Variants in SLC45A4 observed in about 807,000 individuals in gnomAD.
SLC45A4 encodes solute carrier family 45 member 4, also known as polyamine-transporter SLC45A4.
In SLC45A4, 32 loss-of-function variants were observed where a neutral mutation model predicts 63.7. That is an observed-to-expected ratio of 0.50 (90% CI 0.38 to 0.67). SLC45A4 has a LOEUF of 0.67. Ranked by LOEUF, SLC45A4 falls within the 30% of genes least tolerant of loss-of-function variation. SLC45A4 has a pLI of 0.00. For synonymous variants in SLC45A4, 535 were observed against 510.0 expected (o/e 1.05, Z -0.66); for missense variants, 1,027 against 1,157.7 (o/e 0.89, Z 1.64).
chr8:141,294,948 T>C (rs1324469639), intron 1 of SLC45A4, among the ~76,000 whole-genome samples: 1 of 152,166 alleles, frequency 6.6e-6, no homozygotes, highest in African/African-American at 2.4e-5. Flanking sequence ...AGTCAGGAAC[T>C]GGCAGGTAAT....
chr8:141,262,113 G>A (rs1179511046), intron 1 of SLC45A4, among the ~76,000 whole-genome samples: 2 of 151,584 alleles, frequency 1.3e-5, no homozygotes, highest in Non-Finnish European at 2.9e-5. Flanking sequence ...ACAAGAAATT[G>A]GGAAAGGATT....
intron 4 of SLC45A4, 86 bp from the exon 5 acceptor site, chr8:141,219,115 G>A (rs1826415415): frequency 1.4e-5 from 20 of 1,470,960 alleles, no homozygotes; most frequent in Non-Finnish European, 1.8e-5. Flanking sequence ...CCTCTAACAG[G>A]GGGCCGGGGC....
At chr8:141,222,623 A>G (rs574887238) in intron 2 of SLC45A4, among the ~76,000 whole-genome samples, 1 of 152,330 alleles carries the variant, frequency 6.6e-6, no homozygotes, top group East Asian at 1.9e-4. Flanking sequence ...ATCACCAACC[A>G]GGCGGGCAAA....
intron 1 of SLC45A4, among the ~76,000 whole-genome samples, chr8:141,299,469 G>A (rs1830672556): frequency 6.6e-6 from 1 of 152,232 alleles, no homozygotes. Context: ...CACCTGAGCT[G>A]TGGGTGTCGT....
chr8:141,258,602 A>C (rs965223660), intron 1 of SLC45A4, among the ~76,000 whole-genome samples: 2 of 152,200 alleles, frequency 1.3e-5, no homozygotes, highest in Non-Finnish European at 2.9e-5. Flanking sequence ...CGTTTTTCAA[A>C]GACAGCATGG....
intron 1 of SLC45A4, among the ~76,000 whole-genome samples, chr8:141,298,928 A>T (rs1830651549): frequency 6.6e-6 from 1 of 152,198 alleles, no homozygotes; most frequent in African/African-American, 2.4e-5. Flanking sequence ...GCTGATGAGC[A>T]GTGCGACCCA....
At chr8:141,289,435 A>G (rs1830270785) in intron 1 of SLC45A4, among the ~76,000 whole-genome samples, 2 of 152,196 alleles carry the variant, frequency 1.3e-5, no homozygotes, top group South Asian at 4.1e-4. Flanking sequence ...TGTTATCTCA[A>G]CCGTGGCTCA....
At chr8:141,252,102 T>C (rs1377779033) in intron 2 of SLC45A4, among the ~76,000 whole-genome samples, 2 of 151,302 alleles carry the variant, frequency 1.3e-5, no homozygotes, top group Middle Eastern at 3.4e-3. Flanking sequence ...CCATGCAATA[T>C]GTTGAATTCT....
rs1478153911 is a variant in SLC45A4, at chr8:141,218,035, C to T, written c.1605G>A (p.Gln535=). 6.2e-7 allele frequency: 1 copy of T among 1,609,626 alleles called. No individual in the cohort carries two copies. Among genetic ancestry groups the T allele is most frequent in the Non-Finnish European group, 8.5e-7 (1 of 1,178,060 alleles). Residue 535 remains glutamine (Q), a synonymous_variant, in exon 5 of 9, where the codon CAG becomes CAA. Transcript: ENST00000517878. ...CCTTGGGGTCGCCTTCGAAGATGAC[C>T]TGGCCCATGAAGTCGGTGTAGAACA... is the stretch of plus-strand genomic sequence containing the variant. The part of the protein sequence containing the change: ...EAVFYTDFMG[Q]VIFEGDPKAP...
intron 3 of SLC45A4, among the ~76,000 whole-genome samples, chr8:141,221,013 C>T (rs1826589151): frequency 6.6e-6 from 1 of 152,280 alleles, no homozygotes; most frequent in South Asian, 2.1e-4. Context: ...CCTCCTGCCG[C>T]TTAACTCCCT....
chr8:141,245,673 G>A (rs1828153587), intron 2 of SLC45A4, among the ~76,000 whole-genome samples: 1 of 152,126 alleles, frequency 6.6e-6, no homozygotes, highest in Non-Finnish European at 1.5e-5. Flanking sequence ...AGCTAGATGG[G>A]ACTCACAGAC....
At chr8:141,299,187 G>A (rs1008988595) in intron 1 of SLC45A4, among the ~76,000 whole-genome samples, 3 of 152,192 alleles carry the variant, frequency 2.0e-5, no homozygotes, top group African/African-American at 7.2e-5. Context: ...GCTTCTGGAA[G>A]GTCACAAAGC....
chr8:141,285,206 C>G (rs1830092782), intron 1 of SLC45A4, among the ~76,000 whole-genome samples: 1 of 152,228 alleles, frequency 6.6e-6, no homozygotes, highest in South Asian at 2.1e-4. Context: ...GCCCTGCCTG[C>G]AACAGCAGCC....
intron 2 of SLC45A4, chr8:141,224,176 T>A (rs1015699222): frequency 6.6e-6 from 1 of 152,206 alleles, no homozygotes; most frequent in Non-Finnish European, 1.5e-5. Context: ...ATCCACTGTG[T>A]CCTGAACCCC....
At position 141,218,432 on chromosome 8, in the gene SLC45A4, G is replaced by A. The variant is rs140280755; in HGVS notation, c.1208C>T (p.Thr403Met). Residue 403 changes from threonine (T) to methionine (M), a missense_variant, in exon 5 of 9, where the codon ACG becomes ATG. Thr to Met is a moderately conservative substitution (Grantham distance 81, BLOSUM62 -1). Coordinates refer to ENST00000517878, the MANE Select transcript of SLC45A4 (RefSeq NM_001286646.2). Reference protein sequence around the residue: ...DALGGYTRVDTKPSATSSSMR... With the variant: ...DALGGYTRVDMKPSATSSSMR... ...GGAGCTCGACGTGGCCGAGGGCTTC[G>A]TGTCCACCCTGGTGTAGCCGCCGAG... The A allele has an allele frequency of 4.9e-5, 79 of 1,612,054 alleles. 1 individual carries two copies. The African/African-American group carries it at 5.2e-4, about 11-fold the overall frequency.
intron 2 of SLC45A4, among the ~76,000 whole-genome samples, chr8:141,249,069 G>T (rs1174835182): frequency 1.3e-5 from 2 of 151,428 alleles, no homozygotes; most frequent in Non-Finnish European, 2.9e-5. Flanking sequence ...ATGAGATATG[G>T]TTCACACCCA....
At chr8:141,283,986 T>C (rs1224601640) in intron 1 of SLC45A4, among the ~76,000 whole-genome samples, 1 of 152,222 alleles carries the variant, frequency 6.6e-6, no homozygotes, top group Non-Finnish European at 1.5e-5. Flanking sequence ...TGAGGAAGCC[T>C]GAGACGCAAA....
At position 141,278,558 on chromosome 8, in the gene SLC45A4, T is replaced by TG. The variant is rs1035557681; in HGVS notation, c.-400-23930dup. Reference sequence around the variant, plus strand: ...CACTGGTGAGACAGGGGTGAGCACCTGCAGTGGAGGTGGGGCGGGCAGCCG... The same window carrying TG: ...CACTGGTGAGACAGGGGTGAGCACCTGGCAGTGGAGGTGGGGCGGGCAGCCG... On this transcript the variant is annotated intron_variant, in intron 1 of 8. Transcript: ENST00000517878. This position sits in a 1 kb window ranked among gnomAD's most constrained non-coding sequence, Gnocchi z 4.1. Among the ~76,000 whole-genome samples the TG allele has an allele frequency of 3.1e-4, 47 of 151,846 alleles. No homozygotes were observed. Among genetic ancestry groups the TG allele is most frequent in the Non-Finnish European group, 4.7e-4 (32 of 67,998 alleles).
intron 1 of SLC45A4, among the ~76,000 whole-genome samples, chr8:141,274,304 C>A (rs575699798): frequency 6.6e-6 from 1 of 151,968 alleles, no homozygotes; most frequent in African/African-American, 2.4e-5. Context: ...GAGGCTGAGG[C>A]GGGTGGATCA....
Sources: gnomAD v4.1 joint callset for allele counts (sites outside exome capture counted in the v4.1 genomes callset) on GRCh38, gnomAD v4.1.1 for gene constraint, Gnocchi (gnomAD v3.1) non-coding constraint, MANE v1.5 for transcripts, NCBI Gene and HGNC (gene_info 2026-07-23, HGNC 2026-07-21) for gene names.